Variants in DPP6 observed in about 807,000 individuals in gnomAD.
DPP6 encodes the protein A-type potassium channel modulatory protein DPP6.
DPP6 carries 69 observed loss-of-function variants against 122.6 expected under a neutral mutation model. The ratio of observed to expected loss-of-function variants is 0.56; its 90% confidence interval spans 0.46 to 0.69. The LOEUF is 0.69. Ranked by LOEUF, DPP6 falls within the 30% of genes least tolerant of loss-of-function variation. DPP6 has a pLI of 0.00. For missense variants in DPP6, 928 were observed against 1,116.9 expected, an observed-to-expected ratio of 0.83 and a Z score of 2.41; for synonymous variants, 418 against 433.1, an observed-to-expected ratio of 0.97 and a Z score of 0.43.
At chr7:154,170,166 G>A (rs1797461009) in intron 1 of DPP6, among the ~76,000 whole-genome samples, 1 of 152,142 alleles carries the variant, frequency 6.6e-6, no homozygotes, top group South Asian at 2.1e-4. Flanking sequence ...ACAGTCAACA[G>A]GCTCTGATCA....
At chr7:153,983,595 G>T (rs1796699388) in intron 1 of DPP6, among the ~76,000 whole-genome samples, 1 of 151,940 alleles carries the variant, frequency 6.6e-6, no homozygotes, top group Non-Finnish European at 1.5e-5. Context: ...ACTGGGGTAT[G>T]ATAAAAAACT....
intron 1 of DPP6, among the ~76,000 whole-genome samples, chr7:154,235,003 T>C (rs562634418): frequency 6.6e-6 from 1 of 152,348 alleles, no homozygotes; most frequent in East Asian, 1.9e-4. Context: ...TTTTGTTCTG[T>C]TTTGTTTTGG....
the DPP6 span, among the ~76,000 whole-genome samples, chr7:153,832,916 A>C: frequency 3.3e-5 from 5 of 152,138 alleles, no homozygotes; most frequent in Admixed American, 2.6e-4. Context: ...AACTGTTAGA[A>C]TCCCAAATGC....
chr7:154,612,502 G>A (rs1833974800), intron 5 of DPP6, among the ~76,000 whole-genome samples: 1 of 151,994 alleles, frequency 6.6e-6, no homozygotes, highest in African/African-American at 2.4e-5. Context: ...CCTTTTTATT[G>A]CGGAGTAATA....
the DPP6 span, among the ~76,000 whole-genome samples, chr7:153,860,559 C>T: frequency 6.8e-4 from 104 of 152,156 alleles, no homozygotes; most frequent in South Asian, 9.0e-3. Context: ...TCTGCATCTT[C>T]CTCAAGCCTA....
At chr7:154,143,579 G>A (rs1038911307) in intron 1 of DPP6, among the ~76,000 whole-genome samples, 23 of 152,048 alleles carry the variant, frequency 1.5e-4, no homozygotes, top group East Asian at 5.8e-4. Context: ...TAACAAGTTG[G>A]CAAAATTCTT....
chr7:154,661,758 G>T (rs370000780), intron 6 of DPP6, among the ~76,000 whole-genome samples: 1 of 91,834 alleles, frequency 1.1e-5, no homozygotes, highest in Non-Finnish European at 2.4e-5. Context: ...TCACCATGGC[G>T]TGTTGGCCCT....
At chr7:154,576,608 G>A (rs889171662) in intron 5 of DPP6, among the ~76,000 whole-genome samples, 91 of 152,276 alleles carry the variant, frequency 6.0e-4, no homozygotes, top group African/African-American at 2.0e-3. Flanking sequence ...TGTTGAGAGT[G>A]ATGGTGGAGG....
At chr7:154,622,478 G>A (rs751502301) in intron 5 of DPP6, among the ~76,000 whole-genome samples, 1 of 152,186 alleles carries the variant, frequency 6.6e-6, no homozygotes, top group African/African-American at 2.4e-5. Flanking sequence ...GGTCTGGTTG[G>A]ACAAGACCCA....
At chr7:154,768,617 T>C (rs1348331340) in intron 8 of DPP6, among the ~76,000 whole-genome samples, 2 of 152,164 alleles carry the variant, frequency 1.3e-5, no homozygotes, top group African/African-American at 2.4e-5. Context: ...TCCCAACGTG[T>C]TGAAAAAAAC....
At chr7:154,480,632 C>T (rs1823183511) in intron 3 of DPP6, among the ~76,000 whole-genome samples, 1 of 152,170 alleles carries the variant, frequency 6.6e-6, no homozygotes, top group Admixed American at 6.5e-5. Context: ...CACGCCCTCC[C>T]TTGGTGTCTC....
chr7:154,479,410 T>G (rs868300160), intron 3 of DPP6, among the ~76,000 whole-genome samples: 3 of 151,536 alleles, frequency 2.0e-5, no homozygotes, highest in Non-Finnish European at 4.4e-5. Context: ...ATACAAAAAT[T>G]AGCCAGGCGT....
At chr7:153,887,525 G>A in exon 1 of DPP6, 1 of 718,924 alleles carries the variant, frequency 1.4e-6, no homozygotes, top group Admixed American at 2.1e-5. Context: ...GCAGGGGTGC[G>A]CGGAGGTGAG....
At chr7:154,379,620 A>G (rs1027240152) in intron 1 of DPP6, among the ~76,000 whole-genome samples, 8 of 152,252 alleles carry the variant, frequency 5.3e-5, no homozygotes, top group African/African-American at 1.9e-4. Context: ...CATTGTGGAT[A>G]TAGAAAAGCA....
At chr7:153,856,457 C>T in the DPP6 span, among the ~76,000 whole-genome samples, 18 of 152,306 alleles carry the variant, frequency 1.2e-4, 1 homozygote, top group Admixed American at 9.8e-4. Context: ...CTGCCATTTT[C>T]ATTGACATCC....
intron 5 of DPP6, among the ~76,000 whole-genome samples, chr7:154,614,975 T>C (rs1834142380): frequency 6.6e-6 from 1 of 152,192 alleles, no homozygotes; most frequent in African/African-American, 2.4e-5. Flanking sequence ...CATGGGTGAA[T>C]CTTTCATTCA....
chr7:154,289,195 T>C (rs1467357251), intron 1 of DPP6, among the ~76,000 whole-genome samples: 1 of 152,102 alleles, frequency 6.6e-6, no homozygotes, highest in Non-Finnish European at 1.5e-5. Context: ...ATCGCCTAGG[T>C]TGAAAATAAA....
chr7:154,876,207 T>C, intron 20 of DPP6, 107 bp downstream of exon 20: 1 of 1,377,912 alleles, frequency 7.3e-7, no homozygotes, highest in Non-Finnish European at 9.4e-7. Context: ...CGCACACATT[T>C]TTCATGCAAT....
intron 7 of DPP6, among the ~76,000 whole-genome samples, chr7:154,702,093 G>A (rs912992708): frequency 2.6e-5 from 4 of 152,132 alleles, no homozygotes; most frequent in Non-Finnish European, 4.4e-5. Flanking sequence ...GGTTATCTGG[G>A]ATTAGTGATC....
Sources: allele counts gnomAD v4.1 joint callset (sites outside exome capture counted in the v4.1 genomes callset), GRCh38; gene constraint gnomAD v4.1.1; transcripts MANE v1.5; gene names NCBI Gene and HGNC (gene_info 2026-07-23, HGNC 2026-07-21).